CHM: variants seen among roughly 807,000 people sequenced by gnomAD.
CHM encodes CHM Rab escort protein.
CHM carries 10 observed loss-of-function variants against 49.0 expected under a neutral mutation model. The ratio of observed to expected loss-of-function variants is 0.20; its 90% CI spans 0.13 to 0.35. The LOEUF (loss-of-function observed/expected upper bound fraction) is 0.35. CHM is among the 10% of genes least tolerant of loss of function. CHM has a pLI of 1.00. For missense variants in CHM, 455 were observed against 478.4 expected, an observed-to-expected ratio of 0.95 and a Z score of 0.46; for synonymous variants, 184 against 167.5, an observed-to-expected ratio of 1.10 and a Z score of -0.76.
intron 11 of CHM, among the ~76,000 whole-genome samples, chrX:85,895,965 A>T (rs1172491754): frequency 9.2e-6 from 1 of 108,174 alleles, no homozygotes; most frequent in Non-Finnish European, 1.9e-5. Context: ...CTCCTACTAC[A>T]GTACCTCCGT....
At chrX:85,957,493 T>A (rs5968749) in intron 7 of CHM, among the ~76,000 whole-genome samples, 24,681 of 109,560 alleles carry the variant, frequency 0.23, 2,154 homozygotes, top group Non-Finnish European at 0.25. Context: ...AATAATGGAA[T>A]CATGAAAACA....
intron 8 of CHM, among the ~76,000 whole-genome samples, chrX:85,940,641 T>G (rs6623544): frequency 9.1e-6 from 1 of 109,552 alleles, no homozygotes. Context: ...AAAAAAAATG[T>G]AAATAGTGCT....
chrX:85,888,909 A>C, intron 12 of CHM, among the ~76,000 whole-genome samples: 1 of 112,267 alleles, frequency 8.9e-6, no homozygotes, highest in East Asian at 2.8e-4. Flanking sequence ...TTTATTTAAA[A>C]ACATATTATA....
chrX:85,930,015 TC>T (rs1288289330), intron 8 of CHM, among the ~76,000 whole-genome samples: 1 of 111,377 alleles, frequency 9.0e-6, no homozygotes, highest in Non-Finnish European at 1.9e-5. Flanking sequence ...GGCATAAGAA[TC>T]CCTTGAACCA....
At chrX:85,931,254 G>A (rs903112097) in intron 8 of CHM, among the ~76,000 whole-genome samples, 8 of 110,420 alleles carry the variant, frequency 7.2e-5, no homozygotes, top group South Asian at 3.9e-4. Flanking sequence ...GGGAAAAAAC[G>A]GTCAACTTGC....
intron 8 of CHM, among the ~76,000 whole-genome samples, chrX:85,924,406 G>A (rs930183080): frequency 9.0e-6 from 1 of 111,582 alleles, no homozygotes; most frequent in Admixed American, 9.5e-5. Context: ...ATTCATGAAA[G>A]CAGTCTCCCC....
chrX:85,998,139 G>T (rs890404495), intron 2 of CHM, among the ~76,000 whole-genome samples: 12 of 107,698 alleles, frequency 1.1e-4, no homozygotes, highest in African/African-American at 3.6e-4. Flanking sequence ...ATATTTATTT[G>T]TAAAAAAAAA....
intron 4 of CHM, among the ~76,000 whole-genome samples, chrX:85,964,773 T>C (rs758985870): frequency 1.8e-5 from 2 of 112,378 alleles, no homozygotes; most frequent in African/African-American, 6.5e-5. Context: ...CATTTCCAAA[T>C]TTATTATTGG....
chrX:85,981,781 T>C lies in CHM; in HGVS notation c.145A>G (p.Ser49Gly). 8.4e-7 allele frequency: 1 copy of C among 1,187,079 alleles called. No homozygotes were observed. The highest frequency in any genetic ancestry group is 1.1e-6 in the Non-Finnish European group (1 of 880,260). ...GACAATAGTCCTGAAAAGCTAAAAC[T>C]GGCCCAGTTTCCTCCATAGTAGCTT... ...SRSYYGGNWASFSFSGLLSWL... is the reference protein window; with the variant it reads ...SRSYYGGNWAGFSFSGLLSWL... The change falls in exon 3 of 15, where the codon AGT becomes GGT. Residue 49 changes from serine to glycine, a missense_variant. By Grantham distance (56) the Ser-to-Gly change is moderately conservative. Transcript: ENST00000357749.
chrX:85,927,632 T>C (rs919303921), intron 8 of CHM, among the ~76,000 whole-genome samples: 1 of 112,253 alleles, frequency 8.9e-6, no homozygotes, highest in African/African-American at 3.2e-5. Context: ...TTTGATGTTA[T>C]TAACCCCAAA....
intron 8 of CHM, among the ~76,000 whole-genome samples, chrX:85,946,824 C>T (rs905993975): frequency 8.9e-6 from 1 of 112,173 alleles, no homozygotes; most frequent in Non-Finnish European, 1.9e-5. Context: ...TTGCACCCTG[C>T]ACCTGAAAAA....
intron 8 of CHM, among the ~76,000 whole-genome samples, chrX:85,949,863 T>C (rs1180906856): frequency 1.9e-5 from 2 of 104,897 alleles, no homozygotes; most frequent in East Asian, 6.1e-4. Flanking sequence ...ATAATTGTTA[T>C]TGAACCAATG....
chrX:85,955,665 G>T (rs896396959), intron 8 of CHM, among the ~76,000 whole-genome samples: 1 of 111,998 alleles, frequency 8.9e-6, no homozygotes, highest in Non-Finnish European at 1.9e-5. Flanking sequence ...AACTGAACAC[G>T]ATGTTGTAAA....
chrX:85,893,838 C>T (rs928508198), intron 12 of CHM, among the ~76,000 whole-genome samples: 2 of 110,377 alleles, frequency 1.8e-5, no homozygotes. Context: ...GGTATTTTTT[C>T]ATAGCAGCCC....
chrX:86,036,578 G>C (rs1934253532), intron 1 of CHM, among the ~76,000 whole-genome samples: 1 of 111,545 alleles, frequency 9.0e-6, no homozygotes, highest in Non-Finnish European at 1.9e-5. Context: ...GCAAAATAAA[G>C]GGGGGAGGGT....
chrX:85,868,846 T>C (rs1023293162), intron 14 of CHM, among the ~76,000 whole-genome samples: 2 of 112,044 alleles, frequency 1.8e-5, no homozygotes, highest in Non-Finnish European at 3.8e-5. Context: ...ATTCCTACTA[T>C]AGAAAATAAA....
intron 12 of CHM, among the ~76,000 whole-genome samples, chrX:85,886,283 A>T (rs1247820699): frequency 8.9e-6 from 1 of 112,091 alleles, no homozygotes; most frequent in Non-Finnish European, 1.9e-5. Flanking sequence ...TTGGTGCTTG[A>T]CCAGGAAAAT....
intron 8 of CHM, among the ~76,000 whole-genome samples, chrX:85,934,050 G>A (rs980691012): frequency 3.4e-4 from 36 of 107,205 alleles, no homozygotes; most frequent in African/African-American, 9.9e-4. Context: ...GCGCAATCTC[G>A]GCTCACTGCA....
chrX:86,002,123 A>G (rs1294630425), intron 2 of CHM, among the ~76,000 whole-genome samples: 2 of 111,897 alleles, frequency 1.8e-5, no homozygotes, highest in Non-Finnish European at 3.8e-5. Flanking sequence ...AGCAAAGATG[A>G]TATATGCCAC....
Sources: allele counts gnomAD v4.1 joint callset (sites outside exome capture counted in the v4.1 genomes callset), GRCh38; gene constraint gnomAD v4.1.1; transcripts MANE v1.5; gene names NCBI Gene and HGNC (gene_info 2026-07-23, HGNC 2026-07-21).